EGFLAM: variants seen among roughly 807,000 people sequenced by gnomAD.
EGFLAM encodes the protein EGF like, fibronectin type III and laminin G domains.
Under a neutral mutation model 113.1 loss-of-function variants are expected in EGFLAM, and 79 were observed. That is an observed-to-expected ratio of 0.70 (90% CI 0.58 to 0.84). The LOEUF (loss-of-function observed/expected upper bound fraction) is 0.84, where lower values mean the gene tolerates loss of function less well. EGFLAM is among the 40% of genes least tolerant of loss of function. The probability of loss-of-function intolerance (pLI) is 0.00; values close to 1 mark genes in which losing one functional copy is unlikely to be tolerated. For missense variants in EGFLAM, 1,265 were observed against 1,291.6 expected (o/e 0.98, Z 0.32); for synonymous variants, 504 against 487.6 (o/e 1.03, Z -0.44).
chr5:38,368,602 C>A (rs1740126726), intron 5 of EGFLAM, among the ~76,000 whole-genome samples: 1 of 152,148 alleles, frequency 6.6e-6, no homozygotes, highest in South Asian at 2.1e-4. Context: ...ACAAACAGAA[C>A]TTTTTTGTTT....
At chr5:38,417,946 T>C (rs1741704730) in intron 11 of EGFLAM, 120 bp from the exon 12 acceptor site, 1 of 1,006,068 alleles carries the variant, frequency 9.9e-7, no homozygotes, top group Non-Finnish European at 1.4e-6. Context: ...TAAATACAGA[T>C]GGAAGAAAAT....
In EGFLAM at chr5:38,342,181, C is replaced by T. The variant is rs979491628; in HGVS notation, c.291+3400C>T. Among the ~76,000 whole-genome samples, 16 of 152,160 alleles carry T rather than the reference C, an allele frequency of 1.1e-4. 1 individual carries two copies. The highest frequency in any genetic ancestry group is 2.1e-4 in the South Asian group (1 of 4,830). ...ATTTTTAATCGTTTAGAGGAAGCCACTTTTATCCCTGCATGTACTCCTTCA... is the reference window on the plus strand; with the variant it reads ...ATTTTTAATCGTTTAGAGGAAGCCATTTTTATCCCTGCATGTACTCCTTCA... On this transcript the variant is annotated intron_variant, in intron 3 of 21. Coordinates refer to ENST00000322350, the MANE Select transcript of EGFLAM (RefSeq NM_152403.4).
At chr5:38,451,181 G>A (rs1742900961) in intron 18 of EGFLAM, 134 bp from the exon 19 acceptor site, 8 of 1,203,390 alleles carry the variant, frequency 6.6e-6, no homozygotes, top group Non-Finnish European at 9.4e-6. Context: ...GCGACTCGTG[G>A]TAATGAAGTA....
intron 1 of EGFLAM, among the ~76,000 whole-genome samples, chr5:38,260,662 G>C (rs1757478154): frequency 6.6e-6 from 1 of 152,174 alleles, no homozygotes; most frequent in Non-Finnish European, 1.5e-5. Context: ...TTTAGACTAG[G>C]TTCAACCTAG....
At chr5:38,307,935 A>C (rs1758765445) in intron 1 of EGFLAM, among the ~76,000 whole-genome samples, 1 of 152,042 alleles carries the variant, frequency 6.6e-6, no homozygotes, top group South Asian at 2.1e-4. Context: ...TGCTGTCTTG[A>C]TGTTTCTCTG....
At chr5:38,461,759 G>C (rs16903978) in intron 20 of EGFLAM, among the ~76,000 whole-genome samples, 3,170 of 152,250 alleles carry the variant, frequency 0.021, 114 homozygotes, top group African/African-American at 0.07. Context: ...GGCTCATGGG[G>C]CTGGATAGGT....
At chr5:38,431,396 T>G in intron 15 of EGFLAM, 108 bp downstream of exon 15, 3 of 1,061,518 alleles carry the variant, frequency 2.8e-6, no homozygotes, top group Non-Finnish European at 4.1e-6. Context: ...TACATGGACT[T>G]CAGTGCCTGT....
chr5:38,384,788 A>G (rs1258252258), intron 6 of EGFLAM, among the ~76,000 whole-genome samples: 2 of 151,928 alleles, frequency 1.3e-5, no homozygotes, highest in African/African-American at 4.8e-5. Flanking sequence ...TTACTACTCT[A>G]TTGTGCCCCC....
chr5:38,367,854 T>C (rs1740103446), intron 5 of EGFLAM, among the ~76,000 whole-genome samples: 1 of 152,138 alleles, frequency 6.6e-6, no homozygotes, highest in Non-Finnish European at 1.5e-5. Flanking sequence ...AGAGGCAAAA[T>C]GTTAAAGGTT....
intron 4 of EGFLAM, among the ~76,000 whole-genome samples, chr5:38,351,031 G>C (rs954093349): frequency 2.0e-5 from 3 of 152,122 alleles, no homozygotes; most frequent in African/African-American, 7.2e-5. Flanking sequence ...CTACAAAGTT[G>C]GGTTGATGCT....
chr5:38,273,629 G>C (rs1757818262), intron 1 of EGFLAM, among the ~76,000 whole-genome samples: 2 of 152,242 alleles, frequency 1.3e-5, no homozygotes, highest in South Asian at 4.1e-4. Context: ...CCTGGGCTTA[G>C]AGGGCCCCCA....
At chr5:38,462,051 C>A (rs904865998) in intron 20 of EGFLAM, among the ~76,000 whole-genome samples, 9 of 152,110 alleles carry the variant, frequency 5.9e-5, no homozygotes, top group Non-Finnish European at 1.5e-5. Flanking sequence ...GCCTGTAGTC[C>A]CAGCTACTCG....
intron 1 of EGFLAM, among the ~76,000 whole-genome samples, chr5:38,294,310 C>T (rs1561266849): frequency 1.3e-5 from 2 of 152,216 alleles, no homozygotes; most frequent in Non-Finnish European, 2.9e-5. Context: ...GCTAACATCT[C>T]ATTGGTCAAA....
At chr5:38,432,497 A>AGGGGGGGGGGGG (rs1742218960) in intron 15 of EGFLAM, among the ~76,000 whole-genome samples, 1 of 64,614 alleles carries the variant, frequency 1.5e-5, no homozygotes, top group Non-Finnish European at 3.0e-5. Context: ...GGGTGGGGGC[A>AGGGGGGGGGGGG]GGGAAGGGGG....
intron 5 of EGFLAM, among the ~76,000 whole-genome samples, chr5:38,365,821 A>G (rs1443246116): frequency 1.3e-5 from 2 of 152,188 alleles, no homozygotes; most frequent in Non-Finnish European, 2.9e-5. Flanking sequence ...CTGTGAGTCA[A>G]GGTCAGAGAT....
rs554357924 is a variant in EGFLAM at position 38,298,035 on chromosome 5, G to A, written c.97+39184G>A. ...ACGTAAAGAACATCCTGGGAAGAGC[G>A]GCTTGGAGAAAACTGAAGACTTCAA... On this transcript the variant is annotated intron_variant, in intron 1 of 21. Coordinates refer to ENST00000322350, the MANE Select transcript of EGFLAM (RefSeq NM_152403.4). 3.2e-4 allele frequency among the ~76,000 whole-genome samples: 48 copies of A among 152,276 alleles called. No individual in the cohort carries two copies. In the Middle Eastern group the frequency reaches 0.01, roughly 32 times the overall value.
intron 17 of EGFLAM, among the ~76,000 whole-genome samples, chr5:38,440,542 C>T (rs1742500301): frequency 1.3e-5 from 2 of 152,118 alleles, no homozygotes; most frequent in East Asian, 1.9e-4. Context: ...TATGTTGTTC[C>T]ATAGAGATGC....
intron 6 of EGFLAM, among the ~76,000 whole-genome samples, chr5:38,380,811 C>T (rs1740490451): frequency 6.6e-6 from 1 of 152,130 alleles, no homozygotes; most frequent in Non-Finnish European, 1.5e-5. Context: ...ATTAATTGCT[C>T]TTCTGAGGCC....
intron 1 of EGFLAM, among the ~76,000 whole-genome samples, chr5:38,268,471 T>C (rs889757397): frequency 4.6e-5 from 7 of 152,212 alleles, no homozygotes; most frequent in African/African-American, 1.7e-4. Flanking sequence ...ATACGGTTTC[T>C]GGGAAATGTC....
Sources: gnomAD v4.1 joint callset for allele counts (sites outside exome capture counted in the v4.1 genomes callset) on GRCh38, gnomAD v4.1.1 for gene constraint, MANE v1.5 for transcripts, NCBI Gene and HGNC (gene_info 2026-07-23, HGNC 2026-07-21) for gene names.